Variants in MEOX2 observed in about 807,000 individuals in gnomAD.
MEOX2 encodes homeobox protein MOX-2.
Under a neutral mutation model 27.0 loss-of-function variants are expected in MEOX2, and 11 were observed. The ratio of observed to expected loss-of-function variants is 0.41; its 90% CI spans 0.26 to 0.68. MEOX2 has a LOEUF of 0.68. Among genes scored for constraint, MEOX2 ranks in the 30% least tolerant of loss-of-function variants. The pLI, the probability that MEOX2 is intolerant of heterozygous loss-of-function variation, is 0.33. For missense variants in MEOX2, 436 were observed against 385.4 expected, an observed-to-expected ratio of 1.13 and a Z score of -1.10; for synonymous variants, 189 against 155.4, an observed-to-expected ratio of 1.22 and a Z score of -1.61.
intron 1 of MEOX2, among the ~76,000 whole-genome samples, chr7:15,651,614 G>T (rs1440820973): frequency 6.6e-6 from 1 of 151,898 alleles, no homozygotes; most frequent in East Asian, 1.9e-4. Flanking sequence ...AAGTCCAGTA[G>T]CACATGCCAG....
At chr7:15,624,727 C>G (rs1174938353) in intron 2 of MEOX2, among the ~76,000 whole-genome samples, 4 of 152,116 alleles carry the variant, frequency 2.6e-5, no homozygotes, top group Non-Finnish European at 4.4e-5. Context: ...AATCTCTAAC[C>G]TACAAAACCT....
chr7:15,656,475 G>T, intron 1 of MEOX2, among the ~76,000 whole-genome samples: 1 of 142,156 alleles, frequency 7.0e-6, no homozygotes, highest in Non-Finnish European at 1.5e-5. Flanking sequence ...TTAAACATTT[G>T]TTTAGAATAC....
chr7:15,620,878 C>T lies in MEOX2; in HGVS notation c.690+5868G>A, dbSNP rs1176930016. On this transcript the variant is annotated intron_variant, in intron 2 of 2. Coordinates refer to ENST00000262041, the MANE Select transcript of MEOX2 (RefSeq NM_005924.5). Reference sequence around the variant, plus strand: ...TACAACATTACACCTTTGATTAGCTCTGTGAAAAAGATGTTTTGAAGTGAA... The same window carrying T: ...TACAACATTACACCTTTGATTAGCTTTGTGAAAAAGATGTTTTGAAGTGAA... Among the ~76,000 whole-genome samples, 8 of 152,236 alleles carry T rather than the reference C, an allele frequency of 5.3e-5. 1 individual carries two copies. The South Asian group carries it at 1.2e-3, about 24-fold the overall frequency.
chr7:15,648,637 G>C lies in MEOX2; in HGVS notation c.518-21719C>G, dbSNP rs1186960401. Among the ~76,000 whole-genome samples, 4 of 152,044 alleles carry C rather than the reference G, an allele frequency of 2.6e-5. No homozygotes were observed. In the East Asian group the frequency reaches 7.7e-4, roughly 29 times the overall value. Reference sequence around the variant, plus strand: ...GGAAAAATACGGACCTGAGACAATAGTTTATTTTGGCTGGGACTGAGGTTC... The same window carrying C: ...GGAAAAATACGGACCTGAGACAATACTTTATTTTGGCTGGGACTGAGGTTC... On this transcript the variant is annotated intron_variant, in intron 1 of 2. Coordinates refer to ENST00000262041, the MANE Select transcript of MEOX2 (RefSeq NM_005924.5).
chr7:15,645,117 C>G (rs556968883), intron 1 of MEOX2, among the ~76,000 whole-genome samples: 1 of 152,302 alleles, frequency 6.6e-6, no homozygotes, highest in Non-Finnish European at 1.5e-5. Flanking sequence ...AATGACTAGA[C>G]AGCAGTATTG....
intron 1 of MEOX2, among the ~76,000 whole-genome samples, chr7:15,645,319 C>T (rs970508868): frequency 6.6e-6 from 1 of 152,130 alleles, no homozygotes; most frequent in African/African-American, 2.4e-5. Context: ...TCTTTTTAAT[C>T]ATGTGCATTA....
In MEOX2 at chr7:15,686,260, C is replaced by T; in HGVS notation, c.143G>A (p.Cys48Tyr). The T allele has an allele frequency of 1.2e-6, 2 of 1,612,864 alleles. No individual in the cohort carries two copies. Among genetic ancestry groups the T allele is most frequent in the Non-Finnish European group, 1.7e-6 (2 of 1,179,498 alleles). The change falls in exon 1 of 3, where the codon TGC becomes TAC. Residue 48 changes from cysteine (C) to tyrosine (Y), a missense_variant. Physicochemically the swap from Cys to Tyr is radical, Grantham distance 194. Coordinates refer to ENST00000262041, the MANE Select transcript of MEOX2 (RefSeq NM_005924.5). ...TTCGTTGGGGTATCCCGCGATTATG[C>T]AAGATGAGGAAGAAGTAGAGAGCTC... ...YPELSTSSSS[C>Y]IIAGYPNEEG...
At chr7:15,669,722 G>A (rs1782066568) in intron 1 of MEOX2, among the ~76,000 whole-genome samples, 1 of 152,160 alleles carries the variant, frequency 6.6e-6, no homozygotes, top group African/African-American at 2.4e-5. Flanking sequence ...CTTTTCTAAT[G>A]CCAGGATGAA....
intron 1 of MEOX2, among the ~76,000 whole-genome samples, chr7:15,629,279 T>A (rs1781361670): frequency 6.6e-6 from 1 of 152,016 alleles, no homozygotes; most frequent in Non-Finnish European, 1.5e-5. Context: ...ATGGGCCAAT[T>A]CTCAGAAGGA....
At chr7:15,658,797 A>G (rs934339355) in intron 1 of MEOX2, among the ~76,000 whole-genome samples, 1 of 152,208 alleles carries the variant, frequency 6.6e-6, no homozygotes, top group African/African-American at 2.4e-5. Context: ...GAAAAGGATC[A>G]TCATAAGACA....
At chr7:15,649,100 G>C (rs1016675888) in intron 1 of MEOX2, among the ~76,000 whole-genome samples, 13 of 152,086 alleles carry the variant, frequency 8.5e-5, no homozygotes, top group African/African-American at 2.9e-4. Flanking sequence ...CCCAAAATGG[G>C]AAATTCTGCA....
chr7:15,675,111 A>G (rs973667919), intron 1 of MEOX2, among the ~76,000 whole-genome samples: 1 of 152,192 alleles, frequency 6.6e-6, no homozygotes, highest in Non-Finnish European at 1.5e-5. Context: ...TAAACAAAAA[A>G]CAGATACTTC....
rs1394082112 is a variant in MEOX2, at chr7:15,642,927, G to A, written c.518-16009C>T. On this transcript the variant is annotated intron_variant, in intron 1 of 2. Coordinates refer to ENST00000262041, the MANE Select transcript of MEOX2 (RefSeq NM_005924.5). Reference sequence around the variant, plus strand: ...TGGTTTTCTTAAGCGCTATTTGTTTGTACGTTGTAGTAGTGATGTGCAGTG... The same window carrying A: ...TGGTTTTCTTAAGCGCTATTTGTTTATACGTTGTAGTAGTGATGTGCAGTG... Among the ~76,000 whole-genome samples the A allele has an allele frequency of 3.3e-5, 5 of 152,140 alleles. No homozygotes were observed. The East Asian group carries it at 9.7e-4, about 29-fold the overall frequency.
At chr7:15,647,048 A>C (rs1048103133) in intron 1 of MEOX2, among the ~76,000 whole-genome samples, 9 of 152,054 alleles carry the variant, frequency 5.9e-5, no homozygotes, top group Non-Finnish European at 1.3e-4. Flanking sequence ...CTATAGCTAA[A>C]GCTTGCATTT....
intron 1 of MEOX2, among the ~76,000 whole-genome samples, chr7:15,635,359 A>T (rs1387183785): frequency 6.6e-6 from 1 of 152,010 alleles, no homozygotes; most frequent in Non-Finnish European, 1.5e-5. Flanking sequence ...GATACTAAAT[A>T]TGGTTATGAA....
chr7:15,637,803 C>T (rs563865998), intron 1 of MEOX2, among the ~76,000 whole-genome samples: 33 of 152,068 alleles, frequency 2.2e-4, no homozygotes, highest in Non-Finnish European at 1.8e-4. Context: ...GTGTGGTCTT[C>T]TGAGGCTGGT....
chr7:15,624,670 G>C (rs985801517), intron 2 of MEOX2, among the ~76,000 whole-genome samples: 1 of 152,044 alleles, frequency 6.6e-6, no homozygotes, highest in Non-Finnish European at 1.5e-5. Context: ...CTCCATGAGG[G>C]TTCCATGTAG....
chr7:15,663,971 T>G (rs115460052), intron 1 of MEOX2, among the ~76,000 whole-genome samples: 2,657 of 152,288 alleles, frequency 0.017, 85 homozygotes, highest in African/African-American at 0.062. Flanking sequence ...GATAACTGAT[T>G]TGAGAAGTTT....
intron 2 of MEOX2, among the ~76,000 whole-genome samples, chr7:15,622,997 G>A (rs1165000413): frequency 6.6e-6 from 1 of 152,192 alleles, no homozygotes; most frequent in African/African-American, 2.4e-5. Context: ...ATCTGCTGAT[G>A]CCTTGATCTT....
Sources: gnomAD v4.1 joint callset for allele counts (sites outside exome capture counted in the v4.1 genomes callset) on GRCh38, gnomAD v4.1.1 for gene constraint, MANE v1.5 for transcripts, NCBI Gene and HGNC (gene_info 2026-07-23, HGNC 2026-07-21) for gene names.